The following FGD5 variants were observed in gnomAD, a reference collection of about 807,000 sequenced individuals.
The protein encoded by FGD5 is FYVE, RhoGEF and PH domain-containing protein 5.
In FGD5, 28 loss-of-function variants were observed where a neutral mutation model predicts 133.4. The observed-to-expected ratio is 0.21, with a 90% CI of 0.16 to 0.29. The LOEUF is 0.29. Ranked by LOEUF, FGD5 falls within the 10% of genes least tolerant of loss-of-function variation. FGD5 has a pLI of 1.00. For missense variants in FGD5, 1,858 were observed against 1,895.2 expected (o/e 0.98, Z 0.36); for synonymous variants, 810 against 776.5 (o/e 1.04, Z -0.72).
intron 1 of FGD5, among the ~76,000 whole-genome samples, chr3:14,812,945 A>G (rs772564737): frequency 9.2e-5 from 14 of 152,258 alleles, no homozygotes; most frequent in Non-Finnish European, 1.9e-4. Context: ...TTTCACAGTC[A>G]TCTTATGAGT....
At chr3:14,813,787 T>A (rs1482368384) in intron 1 of FGD5, among the ~76,000 whole-genome samples, 1 of 152,208 alleles carries the variant, frequency 6.6e-6, no homozygotes, top group Non-Finnish European at 1.5e-5. Flanking sequence ...CCAGTGCTCC[T>A]GGCTCCCCAT....
intron 11 of FGD5, among the ~76,000 whole-genome samples, chr3:14,913,185 C>T (rs574581689): frequency 6.6e-6 from 1 of 152,070 alleles, no homozygotes; most frequent in Non-Finnish European, 1.5e-5. Flanking sequence ...AGCCTCAAGT[C>T]TCCCCCCAGG....
chr3:14,824,291 C>T (rs1559469789), intron 1 of FGD5, among the ~76,000 whole-genome samples: 1 of 152,274 alleles, frequency 6.6e-6, no homozygotes, highest in Admixed American at 6.5e-5. Context: ...TGAGTGACTG[C>T]CGTGGGGCTG....
intron 10 of FGD5, among the ~76,000 whole-genome samples, chr3:14,909,832 C>G (rs1234233328): frequency 6.8e-6 from 1 of 146,812 alleles, no homozygotes; most frequent in Non-Finnish European, 1.5e-5. Context: ...CAGTGGCTAT[C>G]TAGACTCACT....
Position 14,907,723 on chromosome 3 carries a change from C to T in FGD5, c.3336+12C>T. On this transcript the variant is annotated intron_variant, in intron 10 of 19. Coordinates refer to ENST00000285046, the MANE Select transcript of FGD5 (RefSeq NM_152536.4). ...TCCAGCCAGGAAGGGTGAGTGCCGCCACCATGGGTAGGGGCAGAGGGTGGC... is the reference window on the plus strand; with the variant it reads ...TCCAGCCAGGAAGGGTGAGTGCCGCTACCATGGGTAGGGGCAGAGGGTGGC... The T allele has an allele frequency of 6.2e-7, 1 of 1,612,632 alleles. No homozygotes were observed. The highest frequency in any genetic ancestry group is 8.5e-7 in the Non-Finnish European group (1 of 1,178,992).
intron 12 of FGD5, among the ~76,000 whole-genome samples, 188 bp from the exon 13 acceptor site, chr3:14,918,566 G>A (rs924918981): frequency 2.0e-5 from 3 of 152,218 alleles, no homozygotes; most frequent in Admixed American, 6.5e-5. Flanking sequence ...GTGGGTGAGT[G>A]GCCAAGAATG....
At chr3:14,856,845 T>G (rs1356691188) in intron 1 of FGD5, among the ~76,000 whole-genome samples, 1 of 152,236 alleles carries the variant, frequency 6.6e-6, no homozygotes, top group Non-Finnish European at 1.5e-5. Flanking sequence ...CAGTTTGACT[T>G]CTTCCTTTCT....
At chr3:14,849,737 GGCCCTGAACTTA>G (rs1306933231) in intron 1 of FGD5, among the ~76,000 whole-genome samples, 1 of 152,096 alleles carries the variant, frequency 6.6e-6, no homozygotes, top group East Asian at 1.9e-4. Flanking sequence ...TTCAGATCCT[GGCCCTGAACTTA>G]GCCTCTGTGC....
At chr3:14,853,691 T>G (rs1007857270) in intron 1 of FGD5, among the ~76,000 whole-genome samples, 3 of 137,498 alleles carry the variant, frequency 2.2e-5, no homozygotes, top group Non-Finnish European at 4.6e-5. Context: ...CCCTTTTGGC[T>G]GTGCTCAGAG....
chr3:14,875,333 C>T (rs562295296), intron 2 of FGD5, among the ~76,000 whole-genome samples: 36 of 152,154 alleles, frequency 2.4e-4, no homozygotes, highest in African/African-American at 8.2e-4. Flanking sequence ...AGGGGGGCTG[C>T]GTGGCTGAAG....
chr3:14,893,169 C>A (rs4684244), intron 4 of FGD5, among the ~76,000 whole-genome samples: 109,250 of 152,032 alleles, frequency 0.72, 39,376 homozygotes, highest in African/African-American at 0.76. Context: ...AATTTTTATT[C>A]TTTAATTTAT....
chr3:14,874,014 G>A (rs1188993637), intron 2 of FGD5, among the ~76,000 whole-genome samples: 6 of 152,146 alleles, frequency 3.9e-5, no homozygotes, highest in Non-Finnish European at 8.8e-5. Context: ...GAGCCACTGC[G>A]CCCAGCCAGA....
At chr3:14,914,908 G>A (rs374675386) in intron 11 of FGD5, among the ~76,000 whole-genome samples, 2 of 152,370 alleles carry the variant, frequency 1.3e-5, no homozygotes, top group South Asian at 4.1e-4. Context: ...CGGTGTCAAT[G>A]CACTGTAGTG....
intron 18 of FGD5, among the ~76,000 whole-genome samples, chr3:14,926,444 A>C (rs975308013): frequency 6.6e-6 from 1 of 152,240 alleles, no homozygotes; most frequent in Non-Finnish European, 1.5e-5. Flanking sequence ...GGACATGCCA[A>C]GCTGTGCCGC....
At chr3:14,810,802 C>T (rs2036280214), upstream of FGD5, 2 of 984,236 alleles carry the variant, frequency 2.0e-6, no homozygotes, top group Admixed American at 1.2e-4. Flanking sequence ...CGCACTGGGA[C>T]CCGCGGACGG....
intron 2 of FGD5, among the ~76,000 whole-genome samples, chr3:14,871,711 G>A (rs1039617864): frequency 6.6e-6 from 1 of 152,180 alleles, no homozygotes; most frequent in Non-Finnish European, 1.5e-5. Context: ...GGGCTTGAAG[G>A]CAGCCAGGGC....
At chr3:14,889,252 G>A (rs2037980417) in intron 4 of FGD5, among the ~76,000 whole-genome samples, 1 of 152,166 alleles carries the variant, frequency 6.6e-6, no homozygotes, top group Non-Finnish European at 1.5e-5. Context: ...CATCATCCCA[G>A]AAGATTCCTG....
intron 1 of FGD5, among the ~76,000 whole-genome samples, chr3:14,838,094 T>C: frequency 6.6e-6 from 1 of 152,178 alleles, no homozygotes; most frequent in East Asian, 1.9e-4. Flanking sequence ...TTCCAGGCTG[T>C]GCCCATTCAG....
intron 18 of FGD5, among the ~76,000 whole-genome samples, chr3:14,926,701 C>G (rs996694643): frequency 1.1e-4 from 17 of 152,194 alleles, no homozygotes; most frequent in African/African-American, 4.1e-4. Context: ...CCTTGGAAAT[C>G]AAGCTTACTT....
Sources: gnomAD v4.1 joint callset for allele counts (sites outside exome capture counted in the v4.1 genomes callset) on GRCh38, gnomAD v4.1.1 for gene constraint, MANE v1.5 for transcripts, NCBI Gene and HGNC (gene_info 2026-07-23, HGNC 2026-07-21) for gene names.